Variants in MYRIP observed in about 807,000 individuals in gnomAD.
The protein encoded by MYRIP is myosin VIIA and Rab interacting protein, also known as rab effector MyRIP.
In MYRIP, 49 loss-of-function variants were observed where a neutral mutation model predicts 98.0. That is an observed-to-expected ratio of 0.50 (90% CI 0.40 to 0.63). The LOEUF (loss-of-function observed/expected upper bound fraction) is 0.63. Among genes scored for constraint, MYRIP ranks in the 30% least tolerant of loss-of-function variants. The pLI is 0.00. For missense variants in MYRIP, 1,004 were observed against 1,058.2 expected, an observed-to-expected ratio of 0.95 and a Z score of 0.71; for synonymous variants, 404 against 409.5, an observed-to-expected ratio of 0.99 and a Z score of 0.16.
At chr3:40,232,529 C>T (rs536307075) in intron 11 of MYRIP, among the ~76,000 whole-genome samples, 9 of 152,312 alleles carry the variant, frequency 5.9e-5, no homozygotes, top group Admixed American at 3.9e-4. Context: ...CAGATAGGTA[C>T]CTTGGGAAGG....
intron 1 of MYRIP, among the ~76,000 whole-genome samples, chr3:39,877,971 G>A (rs1188016656): frequency 9.2e-5 from 14 of 152,212 alleles, no homozygotes; most frequent in Non-Finnish European, 1.5e-4. Flanking sequence ...AGGCAGGCAG[G>A]CCTCCTTGAG....
chr3:39,880,895 G>T (rs1328717927), intron 1 of MYRIP, among the ~76,000 whole-genome samples: 1 of 152,004 alleles, frequency 6.6e-6, no homozygotes. Context: ...TCAGTTTGAG[G>T]AATTTTTGCA....
chr3:39,963,463 C>T (rs1270445504), intron 2 of MYRIP, among the ~76,000 whole-genome samples: 1 of 152,078 alleles, frequency 6.6e-6, no homozygotes, highest in African/African-American at 2.4e-5. Context: ...TACTTCATCC[C>T]TGTTATATTG....
chr3:39,960,170 G>A (rs1018120982), intron 2 of MYRIP, among the ~76,000 whole-genome samples: 1 of 151,982 alleles, frequency 6.6e-6, no homozygotes, highest in Non-Finnish European at 1.5e-5. Flanking sequence ...CATCATAAGA[G>A]CCAGTGAGTT....
intron 3 of MYRIP, among the ~76,000 whole-genome samples, chr3:40,065,455 G>A (rs547116893): frequency 5.8e-4 from 86 of 147,618 alleles, no homozygotes; most frequent in Middle Eastern, 3.4e-3. Flanking sequence ...GGGATTTTCT[G>A]TGTTTTTTTA....
At chr3:40,073,423 C>G (rs914262348) in intron 3 of MYRIP, among the ~76,000 whole-genome samples, 1 of 152,196 alleles carries the variant, frequency 6.6e-6, no homozygotes, top group Non-Finnish European at 1.5e-5. Context: ...CTTTGCTTAT[C>G]TGGTTTCCCA....
chr3:40,145,029 G>A (rs182726620), intron 3 of MYRIP, among the ~76,000 whole-genome samples: 19 of 152,194 alleles, frequency 1.2e-4, no homozygotes, highest in South Asian at 4.1e-4. Flanking sequence ...GATGCCAGGC[G>A]CCTTATTATT....
intron 1 of MYRIP, among the ~76,000 whole-genome samples, chr3:39,890,834 T>G (rs917456447): frequency 3.3e-5 from 5 of 152,108 alleles, no homozygotes; most frequent in Admixed American, 3.3e-4. Flanking sequence ...ACAAACAAAC[T>G]GGGTTTATTT....
At chr3:39,975,891 A>T (rs1945738330) in intron 2 of MYRIP, among the ~76,000 whole-genome samples, 1 of 152,218 alleles carries the variant, frequency 6.6e-6, no homozygotes, top group Non-Finnish European at 1.5e-5. Flanking sequence ...CTTATACAAA[A>T]ATTAATTCCA....
intron 3 of MYRIP, among the ~76,000 whole-genome samples, chr3:40,046,846 C>T (rs575539420): frequency 6.6e-6 from 1 of 152,120 alleles, no homozygotes; most frequent in African/African-American, 2.4e-5. Flanking sequence ...GTATCAGTAC[C>T]TACATGATTT....
At chr3:40,201,362 G>A (rs1951555077) in intron 10 of MYRIP, among the ~76,000 whole-genome samples, 1 of 152,136 alleles carries the variant, frequency 6.6e-6, no homozygotes, top group Non-Finnish European at 1.5e-5. Flanking sequence ...CAAGTCAGGA[G>A]GTTTTGGTTC....
At chr3:40,019,067 C>A (rs1342679463) in intron 2 of MYRIP, among the ~76,000 whole-genome samples, 1 of 152,242 alleles carries the variant, frequency 6.6e-6, no homozygotes, top group African/African-American at 2.4e-5. Context: ...ACTAATGTCT[C>A]TCCTCTGATC....
At chr3:40,168,317 C>T (rs1950540813) in intron 7 of MYRIP, among the ~76,000 whole-genome samples, 1 of 152,168 alleles carries the variant, frequency 6.6e-6, no homozygotes, top group African/African-American at 2.4e-5. Flanking sequence ...TATCATAAGT[C>T]AAAATGCATT....
chr3:40,129,071 A>G (rs1438575988), intron 3 of MYRIP, among the ~76,000 whole-genome samples: 1 of 152,090 alleles, frequency 6.6e-6, no homozygotes, highest in Non-Finnish European at 1.5e-5. Flanking sequence ...AACAAAAATG[A>G]CAAGGGGGGA....
chr3:39,974,089 T>TA (rs144658021), intron 2 of MYRIP, among the ~76,000 whole-genome samples: 15 of 151,624 alleles, frequency 9.9e-5, no homozygotes, highest in Non-Finnish European at 1.6e-4. Flanking sequence ...AAAAACCCTA[T>TA]AAAAAAATCA....
At chr3:39,902,979 T>C (rs191070295) in intron 2 of MYRIP, among the ~76,000 whole-genome samples, 1 of 152,188 alleles carries the variant, frequency 6.6e-6, no homozygotes, top group African/African-American at 2.4e-5. Flanking sequence ...GAGAAAATGA[T>C]GCTTGAAATC....
At chr3:39,906,034 C>T (rs1390090493) in intron 2 of MYRIP, among the ~76,000 whole-genome samples, 1 of 151,948 alleles carries the variant, frequency 6.6e-6, no homozygotes, top group African/African-American at 2.4e-5. Flanking sequence ...CGGTGTGCAG[C>T]ATATGTGCAG....
chr3:40,060,596 TGAGAGA>T (rs35495297), intron 3 of MYRIP, among the ~76,000 whole-genome samples: 3 of 138,794 alleles, frequency 2.2e-5, no homozygotes, highest in African/African-American at 5.4e-5. Context: ...TTTCTTTTTT[TGAGAGA>T]GAGAGAGAGA....
At chr3:40,136,694 A>G (rs1949781468) in intron 3 of MYRIP, among the ~76,000 whole-genome samples, 1 of 152,220 alleles carries the variant, frequency 6.6e-6, no homozygotes, top group African/African-American at 2.4e-5. Flanking sequence ...CTCTCAGACC[A>G]CAGTGCAATC....
Sources: allele counts gnomAD v4.1 joint callset (sites outside exome capture counted in the v4.1 genomes callset), GRCh38; gene constraint gnomAD v4.1.1; transcripts MANE v1.5; gene names NCBI Gene and HGNC (gene_info 2026-07-23, HGNC 2026-07-21).